The following CNTN5 variants were observed in gnomAD, a reference collection of about 807,000 sequenced individuals.
CNTN5 encodes contactin-5.
Under a neutral mutation model 129.1 loss-of-function variants are expected in CNTN5, and 77 were observed. That is an observed-to-expected ratio of 0.60 (90% CI 0.50 to 0.72). The LOEUF is 0.72. Ranked by LOEUF, CNTN5 falls within the 30% of genes least tolerant of loss-of-function variation. The pLI is 0.00. For missense variants in CNTN5, 1,478 were observed against 1,328.8 expected (o/e 1.11, Z -1.75); for synonymous variants, 509 against 465.6 (o/e 1.09, Z -1.20).
intron 3 of CNTN5, among the ~76,000 whole-genome samples, chr11:99,650,655 C>G (rs1424245301): frequency 6.6e-6 from 1 of 151,944 alleles, no homozygotes; most frequent in African/African-American, 2.4e-5. Context: ...ACTCATCTCT[C>G]TTTAGCTGAA....
chr11:99,548,645 A>G (rs1591261227), intron 2 of CNTN5, among the ~76,000 whole-genome samples: 1 of 152,346 alleles, frequency 6.6e-6, no homozygotes, highest in East Asian at 1.9e-4. Context: ...CTTTAGCAAT[A>G]AAGTACATTA....
intron 3 of CNTN5, among the ~76,000 whole-genome samples, chr11:99,599,336 G>A (rs1950242513): frequency 6.6e-6 from 1 of 151,976 alleles, no homozygotes; most frequent in East Asian, 1.9e-4. Flanking sequence ...AGAAGAGAAC[G>A]ATTTTCTGAG....
chr11:100,235,237 G>A (rs575174459), intron 16 of CNTN5, among the ~76,000 whole-genome samples: 38 of 151,960 alleles, frequency 2.5e-4, no homozygotes, highest in East Asian at 1.4e-3. Flanking sequence ...TTTTCTGAAC[G>A]CATTCTGTTT....
chr11:99,778,034 A>G (rs1173939493), intron 3 of CNTN5, among the ~76,000 whole-genome samples: 3 of 151,814 alleles, frequency 2.0e-5, no homozygotes, highest in African/African-American at 7.2e-5. Flanking sequence ...AGGTTATATA[A>G]CCATATATGA....
intron 6 of CNTN5, among the ~76,000 whole-genome samples, chr11:99,883,559 T>C (rs1948825000): frequency 6.6e-6 from 1 of 152,252 alleles, no homozygotes; most frequent in African/African-American, 2.4e-5. Flanking sequence ...AACATGCTCA[T>C]GGTGTTTACT....
At chr11:100,343,846 C>G (rs1952220458) in intron 23 of CNTN5, among the ~76,000 whole-genome samples, 1 of 152,032 alleles carries the variant, frequency 6.6e-6, no homozygotes, top group South Asian at 2.1e-4. Flanking sequence ...AAGAGTGGCA[C>G]CACTATAATA....
At chr11:99,188,001 T>C (rs1447229668) in intron 1 of CNTN5, among the ~76,000 whole-genome samples, 1 of 151,858 alleles carries the variant, frequency 6.6e-6, no homozygotes, top group East Asian at 1.9e-4. Context: ...ATATACATAT[T>C]CATATTTTCT....
intron 1 of CNTN5, among the ~76,000 whole-genome samples, chr11:99,210,020 A>G (rs1859685690): frequency 6.6e-6 from 1 of 152,174 alleles, no homozygotes; most frequent in Admixed American, 6.5e-5. Context: ...AAATAAGCCT[A>G]TAGCTCCATA....
intron 1 of CNTN5, among the ~76,000 whole-genome samples, chr11:99,126,802 T>TTA (rs1858658029): frequency 6.6e-6 from 1 of 152,208 alleles, no homozygotes; most frequent in Non-Finnish European, 1.5e-5. Context: ...ATATGTAGAT[T>TTA]TATAGGCTCT....
intron 3 of CNTN5, among the ~76,000 whole-genome samples, chr11:99,752,961 A>G (rs1944282790): frequency 1.3e-5 from 2 of 152,076 alleles, no homozygotes; most frequent in Admixed American, 6.6e-5. Context: ...GGGGAAAGTC[A>G]CCTTTACATT....
At chr11:100,264,950 T>C (rs751400942) in intron 17 of CNTN5, among the ~76,000 whole-genome samples, 20 of 151,938 alleles carry the variant, frequency 1.3e-4, no homozygotes, top group East Asian at 3.9e-4. Flanking sequence ...TGGTATCTCA[T>C]TGTAATTCTG....
intron 6 of CNTN5, among the ~76,000 whole-genome samples, chr11:99,910,507 G>A (rs1457771930): frequency 2.0e-5 from 3 of 152,000 alleles, no homozygotes; most frequent in Non-Finnish European, 4.4e-5. Flanking sequence ...TGTCCTTATT[G>A]AAGATTATTT....
intron 1 of CNTN5, among the ~76,000 whole-genome samples, chr11:99,183,908 G>C (rs1462871029): frequency 6.6e-6 from 1 of 151,974 alleles, no homozygotes; most frequent in Non-Finnish European, 1.5e-5. Context: ...TACCCATTCT[G>C]TTGCCCGTGT....
intron 1 of CNTN5, among the ~76,000 whole-genome samples, chr11:99,202,936 A>C (rs1353912656): frequency 6.6e-6 from 1 of 151,834 alleles, no homozygotes; most frequent in East Asian, 1.9e-4. Flanking sequence ...GAAAAGAGAG[A>C]CAATAAGTGA....
At chr11:99,951,852 A>G (rs1226551090) in intron 7 of CNTN5, among the ~76,000 whole-genome samples, 1 of 152,182 alleles carries the variant, frequency 6.6e-6, no homozygotes, top group Non-Finnish European at 1.5e-5. Flanking sequence ...ATGAAGTTTA[A>G]TATGTGAAAA....
At chr11:99,130,073 A>C (rs1858854025) in intron 1 of CNTN5, among the ~76,000 whole-genome samples, 1 of 152,196 alleles carries the variant, frequency 6.6e-6, no homozygotes, top group Non-Finnish European at 1.5e-5. Flanking sequence ...AAAATTAACC[A>C]GCCAACATTA....
chr11:99,193,512 T>C (rs533154691), intron 1 of CNTN5, among the ~76,000 whole-genome samples: 15 of 152,280 alleles, frequency 9.9e-5, no homozygotes, highest in Non-Finnish European at 1.5e-5. Flanking sequence ...CATCTCCATA[T>C]AGGATTAGAA....
intron 6 of CNTN5, among the ~76,000 whole-genome samples, chr11:99,875,052 G>T (rs766225245): frequency 1.3e-5 from 2 of 152,116 alleles, no homozygotes; most frequent in East Asian, 1.9e-4. Context: ...CATTGCTGTA[G>T]CGTTAGTAAG....
intron 13 of CNTN5, among the ~76,000 whole-genome samples, chr11:100,164,721 G>T (rs1038371459): frequency 6.6e-6 from 1 of 151,770 alleles, no homozygotes; most frequent in Non-Finnish European, 1.5e-5. Context: ...AGTAACAGAT[G>T]ACTAATATGA....
Sources: gnomAD v4.1 joint callset for allele counts (sites outside exome capture counted in the v4.1 genomes callset) on GRCh38, gnomAD v4.1.1 for gene constraint, MANE v1.5 for transcripts, NCBI Gene and HGNC (gene_info 2026-07-23, HGNC 2026-07-21) for gene names.